The following UBE3D variants were observed in gnomAD, a reference collection of about 807,000 sequenced individuals.
UBE3D encodes ubiquitin protein ligase E3D.
In UBE3D, 48 loss-of-function variants were observed where a neutral mutation model predicts 49.6. That is an observed-to-expected ratio of 0.97 (90% confidence interval 0.77 to 1.23). The LOEUF is 1.23. UBE3D is among the 50% of genes most tolerant of loss of function. The pLI is 0.00. For missense variants in UBE3D, 452 were observed against 468.4 expected (o/e 0.96, Z 0.32); for synonymous variants, 189 against 174.2 (o/e 1.08, Z -0.67).
chr6:82,991,503 A>T (rs1044840354), intron 8 of UBE3D, among the ~76,000 whole-genome samples: 1 of 152,168 alleles, frequency 6.6e-6, no homozygotes, highest in Non-Finnish European at 1.5e-5. Flanking sequence ...ATTTGGTAGC[A>T]ATCTTCAGAA....
At chr6:83,010,664 A>G (rs1780272770) in intron 8 of UBE3D, among the ~76,000 whole-genome samples, 1 of 152,206 alleles carries the variant, frequency 6.6e-6, no homozygotes, top group Admixed American at 6.5e-5. Context: ...CTGTAAGCTG[A>G]GGAGCAAGGA....
chr6:82,995,606 A>T (rs1303304405), intron 8 of UBE3D, among the ~76,000 whole-genome samples: 1 of 152,164 alleles, frequency 6.6e-6, no homozygotes, highest in Non-Finnish European at 1.5e-5. Context: ...AGAGATGTTC[A>T]ACCACACTAG....
chr6:83,048,437 C>A (rs973373527), intron 3 of UBE3D, among the ~76,000 whole-genome samples: 2 of 152,156 alleles, frequency 1.3e-5, no homozygotes, highest in Non-Finnish European at 2.9e-5. Context: ...TCATTAAGAT[C>A]TTTTGTCTCC....
intron 3 of UBE3D, among the ~76,000 whole-genome samples, chr6:83,053,083 G>C (rs974657890): frequency 1.4e-5 from 2 of 145,534 alleles, no homozygotes; most frequent in African/African-American, 5.1e-5. Flanking sequence ...TTTGAATGTG[G>C]CCCAACACAA....
intron 9 of UBE3D, among the ~76,000 whole-genome samples, chr6:82,948,471 T>C (rs534258071): frequency 1.3e-5 from 2 of 151,930 alleles, no homozygotes; most frequent in South Asian, 2.1e-4. Context: ...CTCAAACTAT[T>C]CTGGAAAATA....
intron 9 of UBE3D, among the ~76,000 whole-genome samples, chr6:82,951,098 A>C (rs1019523870): frequency 6.6e-6 from 1 of 152,224 alleles, no homozygotes; most frequent in Non-Finnish European, 1.5e-5. Flanking sequence ...AATAACTAAA[A>C]GAGTATAAGT....
intron 5 of UBE3D, among the ~76,000 whole-genome samples, chr6:83,030,250 C>T (rs759732990): frequency 6.6e-6 from 1 of 152,058 alleles, no homozygotes; most frequent in African/African-American, 2.4e-5. Context: ...GCTATGTCTC[C>T]ACCCAAATCT....
At chr6:82,971,450 C>T (rs1777344451) in intron 8 of UBE3D, among the ~76,000 whole-genome samples, 1 of 151,740 alleles carries the variant, frequency 6.6e-6, no homozygotes, top group African/African-American at 2.4e-5. Context: ...TACTAGATTC[C>T]CTGTCCCATA....
intron 8 of UBE3D, among the ~76,000 whole-genome samples, chr6:82,975,110 T>C (rs1001111591): frequency 6.6e-6 from 1 of 152,156 alleles, no homozygotes; most frequent in African/African-American, 2.4e-5. Context: ...CATTTTTCAG[T>C]GAAAGCAGCA....
chr6:83,054,379 T>C, intron 2 of UBE3D, 141 bp from the exon 3 acceptor site: 1 of 629,286 alleles, frequency 1.6e-6, no homozygotes, highest in Non-Finnish European at 2.8e-6. Flanking sequence ...ATTAATACTA[T>C]CTGATGACTC....
At chr6:83,036,126 C>A (rs1319052275) in intron 5 of UBE3D, 1 of 145,252 alleles carries the variant, frequency 6.9e-6, no homozygotes, top group African/African-American at 2.6e-5. Context: ...CGGGTTCAAG[C>A]GATTCTCCTG....
At chr6:82,934,492 G>T (rs918755761) in intron 9 of UBE3D, among the ~76,000 whole-genome samples, 7 of 152,142 alleles carry the variant, frequency 4.6e-5, no homozygotes, top group African/African-American at 1.7e-4. Context: ...CTTACATGGG[G>T]TTTCTCATCT....
intron 7 of UBE3D, among the ~76,000 whole-genome samples, chr6:83,020,749 T>C (rs1781035929): frequency 6.6e-6 from 1 of 152,214 alleles, no homozygotes; most frequent in Non-Finnish European, 1.5e-5. Context: ...GTCCCCATAA[T>C]GGATGGCCAG....
At chr6:83,053,894 G>C (rs1783637517) in intron 3 of UBE3D, among the ~76,000 whole-genome samples, 1 of 152,176 alleles carries the variant, frequency 6.6e-6, no homozygotes, top group African/African-American at 2.4e-5. Context: ...TCAGTGATCA[G>C]CACAGGTTTT....
chr6:83,016,618 TA>T (rs1780716413), intron 8 of UBE3D, among the ~76,000 whole-genome samples: 2 of 151,728 alleles, frequency 1.3e-5, no homozygotes, highest in African/African-American at 4.8e-5. Flanking sequence ...TATATATATG[TA>T]AATCTTTATA....
At chr6:82,909,983 C>T (rs1478059764) in intron 9 of UBE3D, among the ~76,000 whole-genome samples, 2 of 152,186 alleles carry the variant, frequency 1.3e-5, no homozygotes, top group Middle Eastern at 3.2e-3. Flanking sequence ...CTACCCTCAA[C>T]GTGTTCAAAT....
chr6:82,916,986 T>C (rs1772962926), intron 9 of UBE3D, among the ~76,000 whole-genome samples: 1 of 152,176 alleles, frequency 6.6e-6, no homozygotes, highest in Non-Finnish European at 1.5e-5. Flanking sequence ...CTGATAATTT[T>C]AGAGAGGGAG....
chr6:82,999,243 A>T (rs1021095389), intron 8 of UBE3D, among the ~76,000 whole-genome samples: 1 of 152,168 alleles, frequency 6.6e-6, no homozygotes, highest in African/African-American at 2.4e-5. Context: ...CTGTTACAAA[A>T]GGAGAGCTAT....
intron 9 of UBE3D, among the ~76,000 whole-genome samples, chr6:82,940,331 T>C (rs1774918074): frequency 1.3e-5 from 2 of 152,190 alleles, no homozygotes; most frequent in African/African-American, 2.4e-5. Flanking sequence ...CACATCCAAA[T>C]TGCTGAGGCA....
Sources: gnomAD v4.1 joint callset for allele counts (sites outside exome capture counted in the v4.1 genomes callset) on GRCh38, gnomAD v4.1.1 for gene constraint, MANE v1.5 for transcripts, NCBI Gene and HGNC (gene_info 2026-07-23, HGNC 2026-07-21) for gene names.